ELMO1: variants seen among roughly 807,000 people sequenced by gnomAD.
ELMO1 encodes the protein engulfment and cell motility protein 1.
A neutral mutation model predicts 98.9 loss-of-function variants in ELMO1; 26 were observed. That is an observed-to-expected ratio of 0.26 (90% CI 0.19 to 0.36). The LOEUF (loss-of-function observed/expected upper bound fraction) is 0.36. Among genes scored for constraint, ELMO1 ranks in the 10% least tolerant of loss-of-function variants. ELMO1 has a pLI of 1.00. For synonymous variants in ELMO1, 346 were observed against 346.0 expected, an observed-to-expected ratio of 1.00 and a Z score of 0.00; for missense variants, 627 against 935.2, an observed-to-expected ratio of 0.67 and a Z score of 4.30.
intron 16 of ELMO1, among the ~76,000 whole-genome samples, chr7:36,971,686 G>C (rs1299243728): frequency 6.6e-6 from 1 of 152,168 alleles, no homozygotes; most frequent in East Asian, 1.9e-4. Context: ...CTTGGCCTCT[G>C]TGACTAGCGG....
intron 7 of ELMO1, among the ~76,000 whole-genome samples, chr7:37,239,881 T>C (rs1453184400): frequency 6.6e-6 from 1 of 152,160 alleles, no homozygotes; most frequent in Admixed American, 6.5e-5. Flanking sequence ...CTGGAACATG[T>C]GATAACTGAA....
At chr7:37,153,428 TG>T (rs1788499325) in intron 13 of ELMO1, among the ~76,000 whole-genome samples, 1 of 152,178 alleles carries the variant, frequency 6.6e-6, no homozygotes, top group Non-Finnish European at 1.5e-5. Context: ...GGTACACTCC[TG>T]CCAAAATACC....
chr7:36,962,498 G>A (rs965222141), intron 16 of ELMO1, among the ~76,000 whole-genome samples: 1 of 152,134 alleles, frequency 6.6e-6, no homozygotes, highest in African/African-American at 2.4e-5. Context: ...AAAATACCAG[G>A]GAAAGATGAA....
chr7:36,900,869 C>T (rs538592791), intron 16 of ELMO1, among the ~76,000 whole-genome samples: 14 of 152,252 alleles, frequency 9.2e-5, no homozygotes, highest in South Asian at 2.1e-4. Flanking sequence ...ATGTTCCTTA[C>T]GCACAACAAA....
chr7:37,144,006 TG>T (rs1484388544), intron 13 of ELMO1, among the ~76,000 whole-genome samples: 2 of 152,070 alleles, frequency 1.3e-5, no homozygotes, highest in Non-Finnish European at 2.9e-5. Flanking sequence ...CCACCGCGAC[TG>T]GCCTATCTTT....
At chr7:36,889,999 A>C (rs1805415474) in intron 17 of ELMO1, among the ~76,000 whole-genome samples, 1 of 152,164 alleles carries the variant, frequency 6.6e-6, no homozygotes, top group Non-Finnish European at 1.5e-5. Context: ...AAATTCATAC[A>C]CATTAAGAAA....
chr7:37,416,066 C>A (rs1562677262), intron 1 of ELMO1, among the ~76,000 whole-genome samples: 1 of 152,224 alleles, frequency 6.6e-6, no homozygotes, highest in Admixed American at 6.5e-5. Context: ...CCTGTGTTTT[C>A]AGATTTGCGG....
At chr7:37,310,345 C>T (rs1798826506) in intron 4 of ELMO1, among the ~76,000 whole-genome samples, 1 of 152,190 alleles carries the variant, frequency 6.6e-6, no homozygotes, top group Admixed American at 6.5e-5. Flanking sequence ...CATGGCTTTC[C>T]TCTACTGTGC....
intron 13 of ELMO1, among the ~76,000 whole-genome samples, chr7:37,167,664 G>A (rs1419252044): frequency 6.6e-5 from 10 of 152,032 alleles, no homozygotes; most frequent in Non-Finnish European, 1.2e-4. Flanking sequence ...TTGAATATTG[G>A]CTCCCACTCT....
chr7:37,254,745 C>T (rs1487404419), intron 6 of ELMO1, among the ~76,000 whole-genome samples: 4 of 152,154 alleles, frequency 2.6e-5, no homozygotes, highest in Admixed American at 6.5e-5. Context: ...CATCACTGAT[C>T]GAAATGTTCT....
intron 16 of ELMO1, among the ~76,000 whole-genome samples, chr7:37,006,589 T>C (rs1407364539): frequency 6.6e-6 from 1 of 152,124 alleles, no homozygotes; most frequent in Non-Finnish European, 1.5e-5. Flanking sequence ...GGCACAAAAA[T>C]GGTTCTTGGA....
At chr7:37,401,064 AC>A (rs1308944874) in intron 1 of ELMO1, among the ~76,000 whole-genome samples, 1 of 151,894 alleles carries the variant, frequency 6.6e-6, no homozygotes, top group African/African-American at 2.4e-5. Flanking sequence ...TCAAAGGAAA[AC>A]CCCTAGGAAC....
At chr7:37,319,043 C>T (rs942361933) in intron 2 of ELMO1, among the ~76,000 whole-genome samples, 20 of 152,118 alleles carry the variant, frequency 1.3e-4, no homozygotes, top group African/African-American at 4.8e-4. Context: ...CTCTTTTCTG[C>T]TTTTATTTAA....
intron 16 of ELMO1, among the ~76,000 whole-genome samples, chr7:36,944,152 C>T (rs1206349490): frequency 6.6e-6 from 1 of 152,128 alleles, no homozygotes; most frequent in African/African-American, 2.4e-5. Context: ...TGGCAACTTT[C>T]CCTATTTTAA....
At chr7:37,159,784 C>T (rs541868768) in intron 13 of ELMO1, among the ~76,000 whole-genome samples, 5 of 152,230 alleles carry the variant, frequency 3.3e-5, no homozygotes, top group Middle Eastern at 6.8e-3. Flanking sequence ...AGGACGTGAA[C>T]GGGGCTGTAC....
At chr7:37,035,561 T>C (rs1795130085) in intron 15 of ELMO1, among the ~76,000 whole-genome samples, 1 of 152,244 alleles carries the variant, frequency 6.6e-6, no homozygotes, top group Non-Finnish European at 1.5e-5. Context: ...TAATCTAGCT[T>C]GAAATGTCAG....
At chr7:37,287,169 G>T (rs1454585022) in intron 4 of ELMO1, among the ~76,000 whole-genome samples, 1 of 151,256 alleles carries the variant, frequency 6.6e-6, no homozygotes, top group Non-Finnish European at 1.5e-5. Flanking sequence ...CTCCAGTCTG[G>T]GCAACAGAGC....
intron 3 of ELMO1, among the ~76,000 whole-genome samples, 159 bp from the exon 4 acceptor site, chr7:37,315,081 A>G (rs528449936): frequency 3.7e-4 from 56 of 152,264 alleles, no homozygotes; most frequent in African/African-American, 1.1e-3. Context: ...ACTTTAGCCT[A>G]CCTTCCATTA....
At chr7:37,317,044 A>G (rs140713144) in intron 2 of ELMO1, among the ~76,000 whole-genome samples, 5 of 152,228 alleles carry the variant, frequency 3.3e-5, no homozygotes, top group African/African-American at 1.2e-4. Context: ...TCAGGCTGTT[A>G]TAAAAATTAA....
Sources: allele counts gnomAD v4.1 joint callset (sites outside exome capture counted in the v4.1 genomes callset), GRCh38; gene constraint gnomAD v4.1.1; transcripts MANE v1.5; gene names NCBI Gene and HGNC (gene_info 2026-07-23, HGNC 2026-07-21).